The following PPARGC1B variants were observed in gnomAD, a reference collection of about 807,000 sequenced individuals.
PPARGC1B encodes peroxisome proliferator-activated receptor gamma coactivator 1-beta.
A neutral mutation model predicts 101.6 loss-of-function variants in PPARGC1B; 34 were observed. The observed-to-expected ratio is 0.33, with a 90% CI of 0.25 to 0.45. The LOEUF (loss-of-function observed/expected upper bound fraction) is 0.45, where lower values mean the gene tolerates loss of function less well. PPARGC1B is among the 20% of genes least tolerant of loss of function. The pLI is 1.00. For synonymous variants in PPARGC1B, 548 were observed against 539.3 expected (o/e 1.02, Z -0.22); for missense variants, 1,234 against 1,317.6 (o/e 0.94, Z 0.98).
chr5:149,732,766 G>A (rs1754550537), intron 1 of PPARGC1B: 1 of 470,422 alleles, frequency 2.1e-6, no homozygotes, highest in African/African-American at 2.0e-5. Context: ...GGAGAAAGAG[G>A]CTGCGAGGAG....
intron 1 of PPARGC1B, among the ~76,000 whole-genome samples, chr5:149,766,405 G>A (rs757189766): frequency 6.6e-5 from 10 of 152,152 alleles, no homozygotes; most frequent in Non-Finnish European, 1.2e-4. Context: ...CTAGCACTTT[G>A]CATCTATCCT....
intron 1 of PPARGC1B, among the ~76,000 whole-genome samples, chr5:149,777,306 T>C (rs1756401236): frequency 6.6e-6 from 1 of 152,158 alleles, no homozygotes; most frequent in Non-Finnish European, 1.5e-5. Context: ...ATGTGGAAAC[T>C]TTAGAGGGAA....
Position 149,836,273 on chromosome 5 carries a change from A to C in PPARGC1B, c.1818A>C (p.Pro606=), listed in dbSNP as rs1581116046. The change falls in exon 8 of 12, where the codon CCA becomes CCC. Residue 606 remains proline (P), a synonymous_variant. Transcript: ENST00000309241. ...CTCTTCCTCGGGCAGGACTCACCCCACCCACCACACCACCGTACAAGCCCA... is the reference window on the plus strand; with the variant it reads ...CTCTTCCTCGGGCAGGACTCACCCCCCCCACCACACCACCGTACAAGCCCA... The part of the protein sequence containing the change: ...VELCGTAGLT[P]PTTPPYKPTE... The C allele has an allele frequency of 6.4e-7, 1 of 1,569,704 alleles. No homozygotes were observed. The highest frequency in any genetic ancestry group is 8.6e-7 in the Non-Finnish European group (1 of 1,158,748).
chr5:149,850,570 C>G lies in PPARGC1B; in HGVS notation c.*3012C>G, dbSNP rs1410296394. 1 of 152,202 alleles carries G rather than the reference C, an allele frequency of 6.6e-6. No individual in the cohort carries two copies. The highest frequency in any genetic ancestry group is 2.4e-5 in the African/African-American group (1 of 41,456). 9.4% of individuals were successfully genotyped at this position (152,202 alleles called of 1,614,324 possible). A position where few individuals can be genotyped will look rare whatever the true frequency, so the allele number is the denominator to read the frequency against. On this transcript the variant is annotated 3_prime_UTR_variant, in exon 12 of 12. Transcript: ENST00000309241. ...ATTCGGTGCTGTGTATTATTTAGGGCAACTCCAAGGTCTATTCAGAAAAAC... is the reference window on the plus strand; with the variant it reads ...ATTCGGTGCTGTGTATTATTTAGGGGAACTCCAAGGTCTATTCAGAAAAAC...
chr5:149,763,290 G>A (rs1481052169), intron 1 of PPARGC1B, among the ~76,000 whole-genome samples: 1 of 152,228 alleles, frequency 6.6e-6, no homozygotes, highest in Non-Finnish European at 1.5e-5. Context: ...TAAAGTTGCA[G>A]CCAACCTTGG....
In PPARGC1B at chr5:149,844,466, C is replaced by T. The variant is rs147469487; in HGVS notation, c.2817-1294C>T. 2.6e-3 allele frequency among the ~76,000 whole-genome samples: 402 copies of T among 152,214 alleles called. 3 individuals are homozygous for T. Among genetic ancestry groups the T allele is most frequent in the South Asian group, 0.011 (55 of 4,816 alleles). Reference sequence around the variant, plus strand: ...CAACCCGGCCAACATGGTGAAACCCCGTCTCTACTAAAAATACAAAAAATT... The same window carrying T: ...CAACCCGGCCAACATGGTGAAACCCTGTCTCTACTAAAAATACAAAAAATT... On this transcript the variant is annotated intron_variant, in intron 10 of 11. Transcript: ENST00000309241.
intron 1 of PPARGC1B, among the ~76,000 whole-genome samples, chr5:149,752,688 G>T (rs746471178): frequency 6.6e-6 from 1 of 152,108 alleles, no homozygotes; most frequent in Non-Finnish European, 1.5e-5. Context: ...AATTAGCCAG[G>T]CGTGGTGGCA....
chr5:149,837,105 G>C lies in PPARGC1B; in HGVS notation c.2618+32G>C. 1.3e-6 allele frequency: 2 copies of C among 1,559,208 alleles called. No homozygotes were observed. The highest frequency in any genetic ancestry group is 1.7e-6 in the Non-Finnish European group (2 of 1,151,590). On this transcript the variant is annotated intron_variant, in intron 8 of 11. Coordinates refer to ENST00000309241, the MANE Select transcript of PPARGC1B (RefSeq NM_133263.4). The surrounding 1 kb of genome is among the most constrained non-coding windows in gnomAD (Gnocchi z 4.2). The stretch of plus-strand genomic sequence containing the variant: ...ACAGGGGGCTGCAGGAGAGGCAGCG[G>C]GCAGTGGAGGATCCCAGTTCCCGGG...
At chr5:149,827,044 G>GC (rs35133586) in intron 3 of PPARGC1B, among the ~76,000 whole-genome samples, 159 bp downstream of exon 3, 3 of 152,238 alleles carry the variant, frequency 2.0e-5, no homozygotes, top group African/African-American at 7.2e-5. Context: ...AAGGTGGGAG[G>GC]CCCCCCTGGA....
intron 1 of PPARGC1B, among the ~76,000 whole-genome samples, chr5:149,780,265 C>T (rs1214845357): frequency 6.6e-6 from 1 of 152,196 alleles, no homozygotes; most frequent in Non-Finnish European, 1.5e-5. Context: ...CAGGCCTGGC[C>T]GGTTCAGATT....
At chr5:149,733,033 G>T (rs1254751395) in intron 1 of PPARGC1B, 1 of 187,852 alleles carries the variant, frequency 5.3e-6, no homozygotes, top group African/African-American at 2.4e-5. Context: ...GGGGTGAGCA[G>T]TGTTTGCATG....
chr5:149,809,440 C>CATAG (rs200668984), intron 1 of PPARGC1B, among the ~76,000 whole-genome samples: 133 of 82,846 alleles, frequency 1.6e-3, no homozygotes, highest in South Asian at 2.8e-3. Flanking sequence ...CCATCTCTAC[C>CATAG]ATAGATAGAT....
intron 1 of PPARGC1B, chr5:149,771,991 G>A (rs1351107653): frequency 4.9e-6 from 7 of 1,440,384 alleles, no homozygotes; most frequent in Non-Finnish European, 1.8e-6. Context: ...TGTTATCCCA[G>A]ACTTACAGGC....
At chr5:149,787,484 A>G (rs755706919) in intron 1 of PPARGC1B, among the ~76,000 whole-genome samples, 1 of 152,244 alleles carries the variant, frequency 6.6e-6, no homozygotes, top group Non-Finnish European at 1.5e-5. Context: ...GTGATTAGTA[A>G]CAAATTACCT....
intron 8 of PPARGC1B, among the ~76,000 whole-genome samples, chr5:149,839,591 C>T (rs973020179): frequency 6.6e-6 from 1 of 152,216 alleles, no homozygotes. Flanking sequence ...GGACCTGCTT[C>T]TAACTTCTCT....
At chr5:149,823,785 C>T (rs1050312914) in intron 2 of PPARGC1B, among the ~76,000 whole-genome samples, 7 of 152,026 alleles carry the variant, frequency 4.6e-5, no homozygotes, top group Admixed American at 3.3e-4. Flanking sequence ...GGGGAGAGGT[C>T]GGGAGAAGGA....
intron 1 of PPARGC1B, among the ~76,000 whole-genome samples, chr5:149,783,248 A>G (rs1756660275): frequency 6.6e-6 from 1 of 152,150 alleles, no homozygotes; most frequent in Admixed American, 6.5e-5. Flanking sequence ...TCCATTTGCC[A>G]TTTTGCCCTG....
At chr5:149,809,933 T>C (rs1020622325) in intron 1 of PPARGC1B, among the ~76,000 whole-genome samples, 3 of 151,834 alleles carry the variant, frequency 2.0e-5, no homozygotes. Context: ...AGGGAGCCGC[T>C]ATGGGAGATG....
chr5:149,734,381 A>G (rs1428840736), intron 1 of PPARGC1B, among the ~76,000 whole-genome samples: 1 of 148,928 alleles, frequency 6.7e-6, no homozygotes, highest in Admixed American at 6.7e-5. Context: ...GTAACTTGGA[A>G]TTGCACTGTT....
Sources: allele counts gnomAD v4.1 joint callset (sites outside exome capture counted in the v4.1 genomes callset), GRCh38; gene constraint gnomAD v4.1.1; non-coding constraint Gnocchi (gnomAD v3.1); transcripts MANE v1.5; gene names NCBI Gene and HGNC (gene_info 2026-07-23, HGNC 2026-07-21).